The following MMP28 variants were observed in gnomAD, a reference collection of about 807,000 sequenced individuals.
The protein encoded by MMP28 is matrix metalloproteinase-28.
MMP28 carries 55 observed loss-of-function variants against 60.5 expected under a neutral mutation model. That is an observed-to-expected ratio of 0.91 (90% CI 0.73 to 1.14). The LOEUF (loss-of-function observed/expected upper bound fraction) is 1.14, where lower values mean the gene tolerates loss of function less well. MMP28 is among the 50% of genes most tolerant of loss of function. The pLI is 0.00. For synonymous variants in MMP28, 318 were observed against 312.5 expected (o/e 1.02, Z -0.18); for missense variants, 686 against 738.3 (o/e 0.93, Z 0.82).
In MMP28 at chr17:35,779,154, C is replaced by T. The variant is rs567501377; in HGVS notation, c.192-79G>A. The T allele has an allele frequency of 4.7e-4, 746 of 1,571,154 alleles. 3 individuals are homozygous for T. Among genetic ancestry groups the T allele is most frequent in the Middle Eastern group, 1.9e-4 (1 of 5,206 alleles). On this transcript the variant is annotated intron_variant, in intron 2 of 7. Transcript: ENST00000605424. ...GGAAGTCTGCCTCCCTGGGGTGTAG[C>T]CAGCCAGGCTTCCAGGAGGAGGGAG...
At position 35,756,760 on chromosome 17, in the gene MMP28, G is replaced by A. The variant is rs117978719; in HGVS notation, c.266-341C>T. Among the ~76,000 whole-genome samples the A allele has an allele frequency of 5.9e-3, 898 of 152,004 alleles. 22 individuals are homozygous for A. The East Asian group carries it at 0.082, about 14-fold the overall frequency. Reference sequence around the variant, plus strand: ...TGGGATTACAGGCGTGAGCCACTGCGCCCGGCCTATCTTTCTATTAAGATG... The same window carrying A: ...TGGGATTACAGGCGTGAGCCACTGCACCCGGCCTATCTTTCTATTAAGATG... On this transcript the variant is annotated intron_variant, in intron 2 of 2. Coordinates refer to the MMP28 transcript ENST00000615317.
At chr17:35,779,504 G>C (rs2086438123) in intron 1 of MMP28, 181 bp from the exon 2 acceptor site, 3 of 585,734 alleles carry the variant, frequency 5.1e-6, no homozygotes, top group Non-Finnish European at 9.1e-6. Context: ...CTCAATTCCA[G>C]GTCACCACTG....
chr17:35,788,909 G>T (rs2086731788), intron 1 of MMP28, among the ~76,000 whole-genome samples: 1 of 152,154 alleles, frequency 6.6e-6, no homozygotes, highest in Non-Finnish European at 1.5e-5. Context: ...ACAGGGTGAT[G>T]ATGTCATCTG....
At chr17:35,761,685 TG>T (rs1368399910), downstream of MMP28, among the ~76,000 whole-genome samples, 1 of 152,242 alleles carries the variant, frequency 6.6e-6, no homozygotes, top group African/African-American at 2.4e-5. Context: ...GGTCTCCCTC[TG>T]TCTTGTCAGA....
intron 1 of MMP28, among the ~76,000 whole-genome samples, chr17:35,792,020 G>A (rs2086827897): frequency 6.6e-6 from 1 of 152,042 alleles, no homozygotes; most frequent in African/African-American, 2.4e-5. Context: ...TTGAGGTCTA[G>A]TTCCCCGCAC....
intron 1 of MMP28, among the ~76,000 whole-genome samples, chr17:35,794,341 G>C (rs1415185168): frequency 1.3e-5 from 2 of 150,522 alleles, no homozygotes; most frequent in Non-Finnish European, 3.0e-5. Context: ...TGCCTCCCGG[G>C]TTCAAGTGAT....
Position 35,779,276 on chromosome 17 carries a change from A to T in MMP28, c.159T>A (p.Ala53=), listed in dbSNP as rs1284320120. 1.1e-5 allele frequency: 18 copies of T among 1,613,086 alleles called. No individual in the cohort carries two copies. The highest frequency in any genetic ancestry group is 1.4e-5 in the Non-Finnish European group (17 of 1,179,680). Residue 53 remains alanine (A), a synonymous_variant, in exon 2 of 8, where the codon GCT becomes GCA. Coordinates refer to ENST00000605424, the MANE Select transcript of MMP28 (RefSeq NM_024302.5). ...YGYLNEQVPK[A]PTSTRFSDAI... Reference sequence around the variant, plus strand: ...CATCGCTGAATCGAGTGGAGGTGGGAGCTTTGGGGACCTGTTCATTGAGGT... The same window carrying T: ...CATCGCTGAATCGAGTGGAGGTGGGTGCTTTGGGGACCTGTTCATTGAGGT...
chr17:35,762,886 G>A (rs2085849107), downstream of MMP28, among the ~76,000 whole-genome samples: 1 of 152,138 alleles, frequency 6.6e-6, no homozygotes, highest in Non-Finnish European at 1.5e-5. Flanking sequence ...AGCACTTTGG[G>A]AGGCCGAGGC....
At position 35,779,028 on chromosome 17, in the gene MMP28, C is replaced by T. The variant is rs531148530; in HGVS notation, c.239G>A (p.Arg80His). ...SQLPVSGVLD[R>H]ATLRQMTRPR... ...ACGAGTCATCTGGCGCAGGGTGGCG[C>T]GGTCCAACACGCCGCTGACAGGTAG... Residue 80 changes from arginine to histidine, a missense_variant, in exon 3 of 8, where the codon CGC (arginine) becomes CAC (histidine). Physicochemically the swap from Arg to His is conservative, Grantham distance 29 (BLOSUM62 0). Coordinates refer to ENST00000605424, the MANE Select transcript of MMP28 (RefSeq NM_024302.5). 38 of 1,614,044 alleles carry T rather than the reference C, an allele frequency of 2.4e-5. No homozygotes were observed. Among genetic ancestry groups the T allele is most frequent in the Middle Eastern group, 3.3e-4 (2 of 6,062 alleles).
At chr17:35,760,492 G>C (rs1276800404) in intron 2 of MMP28, among the ~76,000 whole-genome samples, 2 of 152,190 alleles carry the variant, frequency 1.3e-5, no homozygotes, top group Non-Finnish European at 2.9e-5. Context: ...AAGACAGGAA[G>C]AGGAAGACAG....
At chr17:35,788,356 G>A (rs974667757) in intron 1 of MMP28, among the ~76,000 whole-genome samples, 9 of 152,056 alleles carry the variant, frequency 5.9e-5, no homozygotes, top group Non-Finnish European at 1.2e-4. Context: ...CTAAGTTTAG[G>A]GCACAAAATA....
At chr17:35,789,198 C>T (rs1481613670) in intron 1 of MMP28, among the ~76,000 whole-genome samples, 1 of 152,152 alleles carries the variant, frequency 6.6e-6, no homozygotes, top group Non-Finnish European at 1.5e-5. Context: ...CAGGCACATC[C>T]AGACAGACAG....
At chr17:35,782,007 T>C (rs1555609501) in intron 1 of MMP28, among the ~76,000 whole-genome samples, 8 of 151,722 alleles carry the variant, frequency 5.3e-5, no homozygotes. Context: ...TAGCTAGGAC[T>C]ACAGGTGCTG....
rs1179553117 is a variant in MMP28 at position 35,756,251 on chromosome 17, A to C, written c.*164T>G. The stretch of plus-strand genomic sequence containing the variant: ...AAAAGGCCACTGAAAACAGTGGCTC[A>C]CACAAAAGAAATGTTTATTTCCCTC... On this transcript the variant is annotated 3_prime_UTR_variant, in exon 3 of 3. Transcript: ENST00000615317. 4 of 289,530 alleles carry C rather than the reference A, an allele frequency of 1.4e-5. No homozygotes were observed. In the Admixed American group the frequency reaches 2.6e-4, roughly 19 times the overall value. 17.9% of individuals were successfully genotyped at this position (289,530 alleles called of 1,614,324 possible).
intron 1 of MMP28, among the ~76,000 whole-genome samples, chr17:35,785,142 G>A (rs1004965961): frequency 6.6e-6 from 1 of 152,172 alleles, no homozygotes; most frequent in African/African-American, 2.4e-5. Context: ...GAATCACACA[G>A]TGCTAGGGAT....
At chr17:35,756,748 G>A (rs1335837784) in intron 2 of MMP28, among the ~76,000 whole-genome samples, 3 of 151,876 alleles carry the variant, frequency 2.0e-5, no homozygotes, top group East Asian at 2.0e-4. Context: ...GATTACAGGC[G>A]TGAGCCACTG....
intron 2 of MMP28, among the ~76,000 whole-genome samples, chr17:35,759,575 C>T (rs1555601102): frequency 6.6e-6 from 1 of 152,104 alleles, no homozygotes; most frequent in Non-Finnish European, 1.5e-5. Flanking sequence ...GTGACACGCG[C>T]CTGTAGTCCC....
In MMP28 at chr17:35,779,095, G is replaced by A. The variant is rs778953068; in HGVS notation, c.192-20C>T. 1.4e-5 allele frequency: 23 copies of A among 1,609,590 alleles called. No individual in the cohort carries two copies. Among genetic ancestry groups the A allele is most frequent in the South Asian group, 7.7e-5 (7 of 90,646 alleles). On this transcript the variant is annotated intron_variant, in intron 2 of 7. Transcript: ENST00000605424. ...AACGCTCTGTCAGGAGGAAAGGACCGCAAGGGGAGGGTGAGTGGTAAGGGT... is the reference window on the plus strand; with the variant it reads ...AACGCTCTGTCAGGAGGAAAGGACCACAAGGGGAGGGTGAGTGGTAAGGGT...
rs1244521572 is a variant in MMP28 at position 35,766,345 on chromosome 17, C to T, written c.*155G>A. On this transcript the variant is annotated 3_prime_UTR_variant, in exon 8 of 8. Transcript: ENST00000605424. This position sits in a 1 kb window ranked among gnomAD's most constrained non-coding sequence, Gnocchi z 4.3. ...CAGACAAAGACAATGCTGCATTCTTCAAGGAACAAAGGCAGACAGACTTCC... is the reference window on the plus strand; with the variant it reads ...CAGACAAAGACAATGCTGCATTCTTTAAGGAACAAAGGCAGACAGACTTCC... 4.9e-6 allele frequency: 7 copies of T among 1,418,532 alleles called. No homozygotes were observed. Among genetic ancestry groups the T allele is most frequent in the Non-Finnish European group, 6.4e-6 (7 of 1,089,030 alleles). 87.9% of individuals were successfully genotyped at this position (1,418,532 alleles called of 1,614,324 possible).
Sources: allele counts gnomAD v4.1 joint callset (sites outside exome capture counted in the v4.1 genomes callset), GRCh38; gene constraint gnomAD v4.1.1; non-coding constraint Gnocchi (gnomAD v3.1); transcripts MANE v1.5; gene names NCBI Gene and HGNC (gene_info 2026-07-23, HGNC 2026-07-21).